TBC1D5: variants seen among roughly 807,000 people sequenced by gnomAD.
The protein encoded by TBC1D5 is TBC1 domain family, member 5.
TBC1D5 carries 75 observed loss-of-function variants against 100.3 expected under a neutral mutation model. The observed-to-expected ratio is 0.75, with a 90% CI of 0.62 to 0.91. The LOEUF (loss-of-function observed/expected upper bound fraction) is 0.91. Ranked by LOEUF, TBC1D5 falls within the 40% of genes least tolerant of loss-of-function variation. TBC1D5 has a pLI of 0.00. For missense variants in TBC1D5, 910 were observed against 942.4 expected, an observed-to-expected ratio of 0.97 and a Z score of 0.45; for synonymous variants, 323 against 325.6, an observed-to-expected ratio of 0.99 and a Z score of 0.09.
chr3:17,257,909 T>A (rs2077873856), intron 16 of TBC1D5, among the ~76,000 whole-genome samples: 1 of 152,194 alleles, frequency 6.6e-6, no homozygotes, highest in African/African-American at 2.4e-5. Context: ...TTTGAAATGA[T>A]TCTGGTTTGA....
intron 3 of TBC1D5, among the ~76,000 whole-genome samples, chr3:17,474,457 T>C (rs938778414): frequency 7.2e-5 from 11 of 152,152 alleles, no homozygotes; most frequent in Non-Finnish European, 1.6e-4. Context: ...ATAAGTTTTC[T>C]GTACTAGGTA....
intron 1 of TBC1D5, chr3:17,706,128 G>C (rs2074125180): frequency 6.2e-7 from 1 of 1,604,582 alleles, no homozygotes; most frequent in East Asian, 2.3e-5. Context: ...CAGCAAGTCG[G>C]GCTTGAGGCA....
chr3:17,599,166 G>A (rs2060768418), intron 2 of TBC1D5, among the ~76,000 whole-genome samples: 2 of 152,152 alleles, frequency 1.3e-5, no homozygotes, highest in Admixed American at 6.5e-5. Flanking sequence ...GTAAAAGGGG[G>A]ATGTTCCCCC....
rs34958195 is a variant in TBC1D5, at chr3:17,393,118, G to GTT, written c.510-9105_510-9104dup. ...TTCTCTAATGACCAGTGATGATGAG[G>GTT]TTTTTTTTTTTCCATGTTTGTTGGC... On this transcript the variant is annotated intron_variant, in intron 8 of 21. Transcript: ENST00000253692. 4.8e-3 allele frequency among the ~76,000 whole-genome samples: 723 copies of GTT among 149,136 alleles called. 3 individuals are homozygous for GTT. The highest frequency in any genetic ancestry group is 0.013 in the African/African-American group (538 of 40,848).
chr3:17,704,319 T>C (rs1397993091), intron 1 of TBC1D5, among the ~76,000 whole-genome samples: 2 of 151,352 alleles, frequency 1.3e-5, no homozygotes, highest in African/African-American at 4.8e-5. Flanking sequence ...CCATGTCTAC[T>C]TCTTTCTACA....
rs577774709 is a variant in TBC1D5, at chr3:17,346,379, G to A, written c.995+25696C>T. ...GTTAATTTTTTTTCAAATGCTTATGGGCATATACATACACATACATCTAAA... is the reference window on the plus strand; with the variant it reads ...GTTAATTTTTTTTCAAATGCTTATGAGCATATACATACACATACATCTAAA... On this transcript the variant is annotated intron_variant, in intron 13 of 21. Coordinates refer to ENST00000253692, the Ensembl canonical transcript of TBC1D5. Among the ~76,000 whole-genome samples, 4 of 151,872 alleles carry A rather than the reference G, an allele frequency of 2.6e-5. No individual in the cohort carries two copies. The South Asian group carries it at 8.3e-4, about 32-fold the overall frequency.
intron 2 of TBC1D5, among the ~76,000 whole-genome samples, chr3:17,559,883 C>G (rs747998667): frequency 1.3e-5 from 2 of 152,062 alleles, no homozygotes; most frequent in Non-Finnish European, 2.9e-5. Context: ...GCCACCGCGC[C>G]CGGCCAAATC....
chr3:17,187,151 C>A (rs1301159464), intron 18 of TBC1D5, among the ~76,000 whole-genome samples: 1 of 152,190 alleles, frequency 6.6e-6, no homozygotes, highest in Non-Finnish European at 1.5e-5. Context: ...CAAAGATGGC[C>A]ACCATCAATT....
chr3:17,540,905 C>CAAAAAAA (rs71634807), intron 2 of TBC1D5, among the ~76,000 whole-genome samples: 3 of 31,452 alleles, frequency 9.5e-5, no homozygotes, highest in African/African-American at 3.6e-4. Context: ...GGCTCCATCT[C>CAAAAAAA]AAAAAAAAAA....
At chr3:17,381,414 T>G (rs1338374974) in intron 9 of TBC1D5, among the ~76,000 whole-genome samples, 8 of 152,062 alleles carry the variant, frequency 5.3e-5, no homozygotes, top group African/African-American at 1.9e-4. Context: ...ACGGGGTATT[T>G]TCAAGTAGTT....
At chr3:17,245,546 A>G (rs2076668204) in intron 16 of TBC1D5, among the ~76,000 whole-genome samples, 1 of 152,178 alleles carries the variant, frequency 6.6e-6, no homozygotes. Context: ...ATGAGCAGCA[A>G]AAGGAGTAGT....
intron 15 of TBC1D5, among the ~76,000 whole-genome samples, chr3:17,283,933 C>T (rs2080877277): frequency 6.6e-6 from 1 of 152,004 alleles, no homozygotes; most frequent in African/African-American, 2.4e-5. Flanking sequence ...TTTGCTATTC[C>T]CCTTCCTGGA....
chr3:17,218,065 G>A (rs1352428287), intron 17 of TBC1D5, among the ~76,000 whole-genome samples: 1 of 151,942 alleles, frequency 6.6e-6, no homozygotes, highest in Non-Finnish European at 1.5e-5. Flanking sequence ...TCATTCTTTT[G>A]CATGTGGATA....
At chr3:17,391,527 T>C (rs77568285) in intron 8 of TBC1D5, among the ~76,000 whole-genome samples, 2 of 151,514 alleles carry the variant, frequency 1.3e-5, no homozygotes, top group East Asian at 1.9e-4. Flanking sequence ...CAAAATATAA[T>C]AGAGGTTTTG....
At chr3:17,594,727 G>C (rs748938855) in intron 2 of TBC1D5, among the ~76,000 whole-genome samples, 1 of 152,174 alleles carries the variant, frequency 6.6e-6, no homozygotes, top group South Asian at 2.1e-4. Flanking sequence ...TGCATTTCCA[G>C]TTGTACAAAG....
At chr3:17,742,350 G>C (rs1428979308), upstream of TBC1D5, 2 of 153,540 alleles carry the variant, frequency 1.3e-5, no homozygotes, top group African/African-American at 4.8e-5. Flanking sequence ...CGCGAAGGGG[G>C]GCGAAACCTG....
intron 2 of TBC1D5, among the ~76,000 whole-genome samples, chr3:17,588,136 T>C (rs2096743942): frequency 3.3e-5 from 5 of 152,002 alleles, no homozygotes; most frequent in Admixed American, 3.3e-4. Flanking sequence ...CAATTTTTAA[T>C]TTTAGGCCAA....
At chr3:17,275,444 T>A (rs776349816) in intron 15 of TBC1D5, among the ~76,000 whole-genome samples, 2 of 151,994 alleles carry the variant, frequency 1.3e-5, no homozygotes, top group Non-Finnish European at 2.9e-5. Context: ...CGGGAGGTTA[T>A]GGGGAGGACC....
At chr3:17,693,528 G>A (rs2071500088) in intron 1 of TBC1D5, among the ~76,000 whole-genome samples, 1 of 152,220 alleles carries the variant, frequency 6.6e-6, no homozygotes, top group Admixed American at 6.5e-5. Flanking sequence ...CCTGGCTGGG[G>A]GAGGGGCGTC....
Sources: gnomAD v4.1 joint callset for allele counts (sites outside exome capture counted in the v4.1 genomes callset) on GRCh38, gnomAD v4.1.1 for gene constraint, MANE v1.5 for transcripts, NCBI Gene and HGNC (gene_info 2026-07-23, HGNC 2026-07-21) for gene names.